RABGAP1L: variants seen among roughly 807,000 people sequenced by gnomAD.
RABGAP1L encodes rab GTPase-activating protein 1-like.
In RABGAP1L, 63 loss-of-function variants were observed where a neutral mutation model predicts 137.7. That is an observed-to-expected ratio of 0.46 (90% CI 0.37 to 0.56). The LOEUF is 0.56. RABGAP1L is among the 20% of genes least tolerant of loss of function. The probability of loss-of-function intolerance (pLI) is 0.00; values close to 1 mark genes in which losing one functional copy is unlikely to be tolerated. For synonymous variants in RABGAP1L, 431 were observed against 433.7 expected, an observed-to-expected ratio of 0.99 and a Z score of 0.08; for missense variants, 1,095 against 1,244.0, an observed-to-expected ratio of 0.88 and a Z score of 1.80.
At position 174,803,119 on chromosome 1, in the gene RABGAP1L, A is replaced by C. The variant is rs149106964; in HGVS notation, c.2212-8713A>C. 7.2e-5 allele frequency among the ~76,000 whole-genome samples: 11 copies of C among 152,302 alleles called. No homozygotes were observed. In the East Asian group the frequency reaches 2.1e-3, roughly 29 times the overall value. ...AAATCAAATAAATGAAGATTTACCA[A>C]GATAGTGTTGTGGATTTGGTCTCTG... On this transcript the variant is annotated intron_variant, in intron 18 of 25. Coordinates refer to ENST00000681986, the MANE Select transcript of RABGAP1L (RefSeq NM_001366446.1).
intron 12 of RABGAP1L, among the ~76,000 whole-genome samples, chr1:174,384,939 A>G (rs948294503): frequency 3.9e-5 from 6 of 152,200 alleles, no homozygotes; most frequent in Non-Finnish European, 7.3e-5. Context: ...AATATTCTCT[A>G]TTAGGTTATA....
intron 13 of RABGAP1L, among the ~76,000 whole-genome samples, chr1:174,608,514 C>A (rs1670951965): frequency 6.6e-6 from 1 of 152,018 alleles, no homozygotes; most frequent in African/African-American, 2.4e-5. Context: ...ATTATGAAAG[C>A]ACTATGGAAG....
intron 13 of RABGAP1L, among the ~76,000 whole-genome samples, chr1:174,579,670 A>G (rs942940312): frequency 2.6e-5 from 4 of 152,234 alleles, no homozygotes; most frequent in African/African-American, 7.2e-5. Flanking sequence ...ACCACAGGTC[A>G]CTATCTCACA....
intron 11 of RABGAP1L, among the ~76,000 whole-genome samples, chr1:174,325,120 TAGAG>T (rs1385355961): frequency 6.6e-6 from 1 of 152,198 alleles, no homozygotes; most frequent in African/African-American, 2.4e-5. Context: ...GAACTAAAAA[TAGAG>T]AGAAGTTCAC....
At chr1:174,552,697 C>T (rs145607831) in intron 13 of RABGAP1L, among the ~76,000 whole-genome samples, 3,402 of 152,160 alleles carry the variant, frequency 0.022, 56 homozygotes, top group Middle Eastern at 0.088. Flanking sequence ...TGCGTGCATG[C>T]GTCTTTATAA....
rs567390852 is a variant in RABGAP1L at position 174,288,175 on chromosome 1, A to G, written c.1323+9396A>G. Among the ~76,000 whole-genome samples the G allele has an allele frequency of 2.0e-3, 308 of 152,278 alleles. 4 individuals carry two copies. The highest frequency in any genetic ancestry group is 4.2e-3 in the Admixed American group (64 of 15,294). ...TTAATATTGTGTGCCCATTAAAATT[A>G]TTTTAGCTATAATTATTTTTAATAT... is the stretch of plus-strand genomic sequence containing the variant. On this transcript the variant is annotated intron_variant, in intron 10 of 25. Transcript: ENST00000681986.
chr1:174,366,009 A>G (rs1684580688), intron 11 of RABGAP1L, among the ~76,000 whole-genome samples: 2 of 150,236 alleles, frequency 1.3e-5, no homozygotes, highest in Non-Finnish European at 1.5e-5. Context: ...TCTATTATAA[A>G]TTTTGATTTT....
intron 1 of RABGAP1L, among the ~76,000 whole-genome samples, chr1:174,160,849 G>A (rs989062871): frequency 6.6e-6 from 1 of 152,192 alleles, no homozygotes; most frequent in African/African-American, 2.4e-5. Flanking sequence ...AGAAGATACG[G>A]ATGTGAAGTT....
At chr1:174,810,795 A>G (rs1398171081) in intron 18 of RABGAP1L, among the ~76,000 whole-genome samples, 1 of 152,140 alleles carries the variant, frequency 6.6e-6, no homozygotes, top group African/African-American at 2.4e-5. Context: ...AGTATAACAA[A>G]ATGTAATGAA....
intron 11 of RABGAP1L, among the ~76,000 whole-genome samples, chr1:174,341,071 A>G (rs977371618): frequency 1.3e-5 from 2 of 151,982 alleles, no homozygotes; most frequent in Admixed American, 1.3e-4. Context: ...TCTTTTGAGA[A>G]GTGTCTGTTC....
intron 11 of RABGAP1L, among the ~76,000 whole-genome samples, chr1:174,345,841 T>C (rs943006758): frequency 9.2e-5 from 14 of 152,170 alleles, no homozygotes; most frequent in African/African-American, 3.4e-4. Context: ...AGGAAAGACT[T>C]TCAGTTTTCA....
chr1:174,630,779 CTCT>C (rs1673310149), intron 13 of RABGAP1L, among the ~76,000 whole-genome samples: 1 of 145,740 alleles, frequency 6.9e-6, no homozygotes, highest in African/African-American at 2.5e-5. Context: ...TGATTCTTCT[CTCT>C]TTTTTTCTTT....
rs564616879 is a variant in RABGAP1L, at chr1:174,467,678, G to A, written c.1710+73533G>A. 2.6e-5 allele frequency among the ~76,000 whole-genome samples: 4 copies of A among 152,148 alleles called. No homozygotes were observed. The South Asian group carries it at 8.3e-4, about 32-fold the overall frequency. On this transcript the variant is annotated intron_variant, in intron 13 of 25. Coordinates refer to ENST00000681986, the MANE Select transcript of RABGAP1L (RefSeq NM_001366446.1). ...TCCTTTTCATAGGTGAGAAAATTGAGCATCAGTATTTAAGTATCTTGGTTA... is the reference window on the plus strand; with the variant it reads ...TCCTTTTCATAGGTGAGAAAATTGAACATCAGTATTTAAGTATCTTGGTTA...
chr1:174,550,225 A>G (rs1558332875), intron 13 of RABGAP1L, among the ~76,000 whole-genome samples: 1 of 152,196 alleles, frequency 6.6e-6, no homozygotes, highest in Non-Finnish European at 1.5e-5. Context: ...GAGGAAAACC[A>G]AAAGGAGGAT....
rs550355882 is a variant in RABGAP1L at position 174,713,586 on chromosome 1, T to C, written c.2169+11330T>C. Among the ~76,000 whole-genome samples the C allele has an allele frequency of 2.0e-5, 3 of 152,322 alleles. No individual in the cohort carries two copies. In the South Asian group the frequency reaches 6.2e-4, roughly 32 times the overall value. On this transcript the variant is annotated intron_variant, in intron 17 of 25. Coordinates refer to ENST00000681986, the MANE Select transcript of RABGAP1L (RefSeq NM_001366446.1). The stretch of plus-strand genomic sequence containing the variant: ...ACCCTGCTCTCGTTTACTCTCTCAC[T>C]GTATGATGTGCTGGCTCGCCCTTGT...
chr1:174,598,362 G>C (rs1403488028), intron 13 of RABGAP1L, among the ~76,000 whole-genome samples: 3 of 149,240 alleles, frequency 2.0e-5, no homozygotes, highest in Admixed American at 6.7e-5. Context: ...CTGTCTTTGA[G>C]ATCTATGCAC....
intron 17 of RABGAP1L, among the ~76,000 whole-genome samples, chr1:174,743,158 C>G (rs898785282): frequency 3.9e-5 from 6 of 152,066 alleles, no homozygotes; most frequent in East Asian, 3.8e-4. Flanking sequence ...ATCCATCTCC[C>G]TGACAAACTG....
chr1:174,304,467 A>C (rs1361861051), intron 10 of RABGAP1L, among the ~76,000 whole-genome samples: 1 of 151,930 alleles, frequency 6.6e-6, no homozygotes, highest in Non-Finnish European at 1.5e-5. Context: ...ATATTTATAT[A>C]TGTAACCCAC....
intron 19 of RABGAP1L, among the ~76,000 whole-genome samples, chr1:174,863,597 C>T (rs1316711215): frequency 3.3e-5 from 5 of 150,978 alleles, no homozygotes; most frequent in Admixed American, 6.6e-5. Flanking sequence ...GGTGTGAACC[C>T]GGGAGGCGGA....
Sources: allele counts gnomAD v4.1 joint callset (sites outside exome capture counted in the v4.1 genomes callset), GRCh38; gene constraint gnomAD v4.1.1; transcripts MANE v1.5; gene names NCBI Gene and HGNC (gene_info 2026-07-23, HGNC 2026-07-21).